Variants in UBR2 observed in about 807,000 individuals in gnomAD.
The protein encoded by UBR2 is E3 ubiquitin-protein ligase UBR2.
Under a neutral mutation model 247.9 loss-of-function variants are expected in UBR2, and 92 were observed. The ratio of observed to expected loss-of-function variants is 0.37; its 90% CI spans 0.31 to 0.44. The LOEUF (loss-of-function observed/expected upper bound fraction) is 0.44, where lower values mean the gene tolerates loss of function less well. Ranked by LOEUF, UBR2 falls within the 20% of genes least tolerant of loss-of-function variation. The probability of loss-of-function intolerance (pLI) is 1.00; values close to 1 mark genes in which losing one functional copy is unlikely to be tolerated. For missense variants in UBR2, 1,613 were observed against 2,112.6 expected (o/e 0.76, Z 4.64); for synonymous variants, 672 against 693.5 (o/e 0.97, Z 0.49).
chr6:42,612,051 C>A, intron 7 of UBR2, 120 bp from the exon 8 acceptor site: 1 of 853,710 alleles, frequency 1.2e-6, no homozygotes, highest in Non-Finnish European at 1.6e-6. Context: ...TTTCTTACAT[C>A]CATGAAAAAG....
intron 11 of UBR2, among the ~76,000 whole-genome samples, chr6:42,631,960 G>A (rs1431049996): frequency 7.4e-6 from 1 of 135,826 alleles, no homozygotes; most frequent in Non-Finnish European, 1.5e-5. Flanking sequence ...AATATGCAAG[G>A]AACTACGATT....
At chr6:42,643,296 T>C (rs1796550153) in intron 18 of UBR2, among the ~76,000 whole-genome samples, 1 of 152,090 alleles carries the variant, frequency 6.6e-6, no homozygotes. Flanking sequence ...GATTTAGTCA[T>C]TATAGAAAAA....
chr6:42,669,266 A>G (rs1582696691), intron 34 of UBR2, among the ~76,000 whole-genome samples: 1 of 152,162 alleles, frequency 6.6e-6, no homozygotes, highest in South Asian at 2.1e-4. Context: ...TACTCTCTTT[A>G]TCTCTTCAGT....
In UBR2 at chr6:42,688,375, C is replaced by T. The variant is rs140768964; in HGVS notation, c.5013C>T (p.Gly1671=). ...CCTACTCCTGTGGCTCTGGAGTGGGCATCTTCCTGAGGTAAGGACCTGCAG... is the reference window on the plus strand; with the variant it reads ...CCTACTCCTGTGGCTCTGGAGTGGGTATCTTCCTGAGGTAAGGACCTGCAG... ...AHTYSCGSGV[G]IFLRVRECQV... The change falls in exon 45 of 47, where the codon GGC becomes GGT. Residue 1671 remains glycine (G), a synonymous_variant. Coordinates refer to ENST00000372901, the MANE Select transcript of UBR2 (RefSeq NM_001363705.2). The T allele has an allele frequency of 7.4e-5, 119 of 1,613,010 alleles. No homozygotes were observed. The highest frequency in any genetic ancestry group is 9.7e-5 in the Non-Finnish European group (115 of 1,180,028).
Position 42,676,760 on chromosome 6 carries a change from A to G in UBR2, c.4388-23A>G, listed in dbSNP as rs114805160. 1,319 of 1,549,932 alleles carry G rather than the reference A, an allele frequency of 8.5e-4. 4 individuals are homozygous for G. In the African/African-American group the frequency reaches 0.015, roughly 18 times the overall value. Reference sequence around the variant, plus strand: ...AACACTTAATTGGAAAATACAGAGTACTAGTATTTCCTTATCTTTCAGAAG... The same window carrying G: ...AACACTTAATTGGAAAATACAGAGTGCTAGTATTTCCTTATCTTTCAGAAG... On this transcript the variant is annotated intron_variant, in intron 39 of 46. Coordinates refer to ENST00000372901, the MANE Select transcript of UBR2 (RefSeq NM_001363705.2).
In UBR2 at chr6:42,568,457, C is replaced by T. The variant is rs539345029; in HGVS notation, c.78+4060C>T. ...ATATTTATCCATGTTGGGCCAGGCG[C>T]GGTGGCTCACACCTGTAATTCCAGC... is the stretch of plus-strand genomic sequence containing the variant. On this transcript the variant is annotated intron_variant, in intron 1 of 46. Transcript: ENST00000372901. Among the ~76,000 whole-genome samples the T allele has an allele frequency of 6.6e-5, 10 of 152,220 alleles. No homozygotes were observed. In the East Asian group the frequency reaches 1.2e-3, roughly 18 times the overall value.
intron 2 of UBR2, among the ~76,000 whole-genome samples, chr6:42,586,538 CT>C (rs147830824): frequency 0.38 from 36,764 of 96,914 alleles, 4,843 homozygotes; most frequent in Middle Eastern, 0.44. Context: ...GTTTGTCTCT[CT>C]TTTTTTTTTT....
At position 42,640,273 on chromosome 6, in the gene UBR2, A is replaced by G; in HGVS notation, c.1920+3A>G. 6.2e-7 allele frequency: 1 copy of G among 1,603,260 alleles called. No individual in the cohort carries two copies. The highest frequency in any genetic ancestry group is 8.5e-7 in the Non-Finnish European group (1 of 1,175,720). ...AATTTCCAGAGCTCCTACCTCTAGT[A>G]AGTGGTGCTTACATTTAAAAGTGAA... is the stretch of plus-strand genomic sequence containing the variant. On this transcript the variant is annotated splice_donor_region_variant and intron_variant, in intron 16 of 46. Coordinates refer to ENST00000372901, the MANE Select transcript of UBR2 (RefSeq NM_001363705.2).
chr6:42,621,408 C>A (rs1293665786), intron 11 of UBR2, among the ~76,000 whole-genome samples: 1 of 152,198 alleles, frequency 6.6e-6, no homozygotes, highest in Non-Finnish European at 1.5e-5. Flanking sequence ...GTCTCAGTAT[C>A]TGATAGTTAA....
chr6:42,675,687 C>T (rs1398655647), intron 38 of UBR2, among the ~76,000 whole-genome samples: 1 of 152,110 alleles, frequency 6.6e-6, no homozygotes. Context: ...TGACCAGGCG[C>T]GGTGGCTCAC....
chr6:42,646,807 TTATATA>T (rs369889480), intron 21 of UBR2, among the ~76,000 whole-genome samples: 218 of 148,528 alleles, frequency 1.5e-3, no homozygotes, highest in Middle Eastern at 3.6e-3. Flanking sequence ...ATATATATGT[TTATATA>T]TATATATAGA....
intron 1 of UBR2, 125 bp from the exon 2 acceptor site, chr6:42,573,609 G>A: frequency 8.8e-7 from 1 of 1,135,388 alleles, no homozygotes; most frequent in Non-Finnish European, 1.2e-6. Flanking sequence ...GGTGGTGAGT[G>A]TTGTAAACAA....
intron 4 of UBR2, among the ~76,000 whole-genome samples, chr6:42,597,146 A>G (rs1240236992): frequency 5.3e-5 from 8 of 152,180 alleles, no homozygotes; most frequent in Non-Finnish European, 1.2e-4. Context: ...TGGCTATCCA[A>G]CAGTCCAAGC....
intron 23 of UBR2, 30 bp downstream of exon 23, chr6:42,650,416 G>A (rs1797046633): frequency 1.3e-5 from 21 of 1,564,734 alleles, no homozygotes; most frequent in Non-Finnish European, 1.8e-5. Flanking sequence ...ATGTAGCAGG[G>A]AAGGATTGCA....
intron 36 of UBR2, among the ~76,000 whole-genome samples, chr6:42,673,103 A>G (rs1798537394): frequency 6.6e-6 from 1 of 152,122 alleles, no homozygotes; most frequent in South Asian, 2.1e-4. Context: ...ACTGCTACTT[A>G]GTCCTCATAA....
intron 36 of UBR2, among the ~76,000 whole-genome samples, chr6:42,671,643 T>C (rs1328517086): frequency 6.6e-6 from 1 of 152,226 alleles, no homozygotes; most frequent in Non-Finnish European, 1.5e-5. Flanking sequence ...CTGAAACTTT[T>C]ATTTCTCTCC....
At position 42,575,878 on chromosome 6, in the gene UBR2, T is replaced by C. The variant is rs544591595; in HGVS notation, c.338+1885T>C. Among the ~76,000 whole-genome samples, 5 of 152,326 alleles carry C rather than the reference T, an allele frequency of 3.3e-5. No homozygotes were observed. In the East Asian group the frequency reaches 7.7e-4, roughly 23 times the overall value. On this transcript the variant is annotated intron_variant, in intron 2 of 46. Coordinates refer to ENST00000372901, the MANE Select transcript of UBR2 (RefSeq NM_001363705.2). ...AAGTATCCTCTTCATTATCAAACTT[T>C]CAATTTATTTATTTATATCAGTATT...
chr6:42,583,447 A>C (rs1351523774), intron 2 of UBR2, among the ~76,000 whole-genome samples: 1 of 151,022 alleles, frequency 6.6e-6, no homozygotes, highest in Non-Finnish European at 1.5e-5. Context: ...GGGTTTCCCC[A>C]TGTTGGTCAG....
At chr6:42,687,542 T>C (rs1385003880) in intron 44 of UBR2, among the ~76,000 whole-genome samples, 1 of 151,632 alleles carries the variant, frequency 6.6e-6, no homozygotes, top group African/African-American at 2.4e-5. Flanking sequence ...ATTTATTTAT[T>C]TATTTATTTA....
Sources: allele counts gnomAD v4.1 joint callset (sites outside exome capture counted in the v4.1 genomes callset), GRCh38; gene constraint gnomAD v4.1.1; transcripts MANE v1.5; gene names NCBI Gene and HGNC (gene_info 2026-07-23, HGNC 2026-07-21).